FUT8: variants seen among roughly 807,000 people sequenced by gnomAD.
The protein encoded by FUT8 is fucosyltransferase 8.
A neutral mutation model predicts 71.3 loss-of-function variants in FUT8; 29 were observed. That is an observed-to-expected ratio of 0.41 (90% CI 0.30 to 0.55). The LOEUF (loss-of-function observed/expected upper bound fraction) is 0.55. Ranked by LOEUF, FUT8 falls within the 20% of genes least tolerant of loss-of-function variation. The pLI, the probability that FUT8 is intolerant of heterozygous loss-of-function variation, is 0.34. For synonymous variants in FUT8, 254 were observed against 239.3 expected (o/e 1.06, Z -0.57); for missense variants, 544 against 702.1 (o/e 0.77, Z 2.55).
the FUT8 span, among the ~76,000 whole-genome samples, chr14:65,384,801 A>G: frequency 6.6e-6 from 1 of 151,818 alleles, no homozygotes; most frequent in Non-Finnish European, 1.5e-5. The surrounding 1 kb of genome is among the most constrained non-coding windows in gnomAD (Gnocchi z 4.2). Context: ...ATTTTAAAAT[A>G]TTTCTAATTT....
Position 65,629,478 on chromosome 14 carries a change from GTTTGT to G in FUT8, c.483-10_483-6del, listed in dbSNP as rs751940522. On this transcript the variant is annotated splice_polypyrimidine_tract_variant and intron_variant, in intron 5 of 10. Coordinates refer to ENST00000673929, the MANE Select transcript of FUT8 (RefSeq NM_001371533.1). ...ACAGACAAGTTCGATCTCCATTGTT[GTTTGT>G]TTTAACAGGTCTATAATGACGGATC... The G allele has an allele frequency of 7.0e-6, 11 of 1,565,280 alleles. No individual in the cohort carries two copies. The highest frequency in any genetic ancestry group is 1.7e-5 in the Admixed American group (1 of 59,778).
At chr14:65,386,601 T>C in the FUT8 span, among the ~76,000 whole-genome samples, 2 of 151,848 alleles carry the variant, frequency 1.3e-5, no homozygotes, top group Non-Finnish European at 2.9e-5. Flanking sequence ...TCCTCTACTT[T>C]CTGGAACATA....
intron 2 of FUT8, among the ~76,000 whole-genome samples, chr14:65,516,800 A>G (rs567915115): frequency 3.4e-4 from 52 of 151,992 alleles, no homozygotes; most frequent in Non-Finnish European, 6.6e-4. Context: ...TTGTTATGCA[A>G]CCATCATCAC....
chr14:65,426,369 G>A (rs374812300), intron 1 of FUT8, among the ~76,000 whole-genome samples: 112 of 146,410 alleles, frequency 7.6e-4, no homozygotes, highest in South Asian at 7.4e-3. Context: ...ATTACCATAA[G>A]ATAGATTATC....
intron 2 of FUT8, among the ~76,000 whole-genome samples, chr14:65,468,929 C>A (rs1359513076): frequency 6.6e-6 from 1 of 151,986 alleles, no homozygotes; most frequent in Non-Finnish European, 1.5e-5. Flanking sequence ...TCTCAAGTAG[C>A]CAGGACTACA....
At chr14:65,466,834 C>T (rs1453314590) in intron 2 of FUT8, among the ~76,000 whole-genome samples, 1 of 152,154 alleles carries the variant, frequency 6.6e-6, no homozygotes, top group Non-Finnish European at 1.5e-5. Context: ...TCCAAGTTCA[C>T]TTTTTAAATA....
chr14:65,738,190 G>T (rs1449010145), intron 10 of FUT8, among the ~76,000 whole-genome samples: 2 of 152,114 alleles, frequency 1.3e-5, no homozygotes, highest in African/African-American at 2.4e-5. Context: ...ACAAAGAAAA[G>T]ACCTGGGTCT....
At chr14:65,714,674 G>C (rs956074483) in intron 7 of FUT8, among the ~76,000 whole-genome samples, 4 of 152,002 alleles carry the variant, frequency 2.6e-5, no homozygotes, top group African/African-American at 9.7e-5. Flanking sequence ...GCTTTGGATA[G>C]TATGGGCATT....
chr14:65,376,620 C>A, the FUT8 span, among the ~76,000 whole-genome samples: 1 of 146,152 alleles, frequency 6.8e-6, no homozygotes, highest in South Asian at 2.2e-4. Context: ...CCATGTTGGT[C>A]AGGCTGGTCT....
At chr14:65,686,661 GA>G (rs1330462306) in intron 7 of FUT8, among the ~76,000 whole-genome samples, 1 of 152,166 alleles carries the variant, frequency 6.6e-6, no homozygotes, top group Non-Finnish European at 1.5e-5. Flanking sequence ...AGAGGAGGTT[GA>G]TTGTCAGTTT....
chr14:65,695,935 G>C (rs1223421490), intron 7 of FUT8, among the ~76,000 whole-genome samples: 1 of 151,916 alleles, frequency 6.6e-6, no homozygotes, highest in East Asian at 1.9e-4. Flanking sequence ...CCCAGAGCTT[G>C]CAATATATAT....
intron 6 of FUT8, among the ~76,000 whole-genome samples, chr14:65,654,895 G>A (rs73268558): frequency 6.6e-6 from 1 of 151,156 alleles, no homozygotes; most frequent in Non-Finnish European, 1.5e-5. Context: ...GCAGAATGGT[G>A]TTTTTTTGTT....
intron 1 of FUT8, among the ~76,000 whole-genome samples, chr14:65,424,924 A>G (rs1255523254): frequency 1.3e-5 from 2 of 151,986 alleles, no homozygotes; most frequent in East Asian, 3.9e-4. Context: ...TTGACCTCCC[A>G]AAGTGCTGGG....
At chr14:65,620,404 T>A (rs1443834681) in intron 5 of FUT8, among the ~76,000 whole-genome samples, 1 of 152,210 alleles carries the variant, frequency 6.6e-6, no homozygotes, top group Non-Finnish European at 1.5e-5. Flanking sequence ...ATACTTATGT[T>A]AATTATGCTG....
chr14:65,728,028 C>CT (rs2139371936), intron 9 of FUT8, among the ~76,000 whole-genome samples: 1 of 152,360 alleles, frequency 6.6e-6, no homozygotes, highest in African/African-American at 2.4e-5. Flanking sequence ...TCATCTCCAT[C>CT]TGAGACCACC....
intron 6 of FUT8, among the ~76,000 whole-genome samples, chr14:65,656,167 A>T (rs1891672416): frequency 6.6e-6 from 1 of 152,114 alleles, no homozygotes. Flanking sequence ...AAATCAATTT[A>T]TTCTTGTTTG....
rs1555378155 is a variant in FUT8 at position 65,634,577 on chromosome 14, A to AG, written c.597+4971_597+4972insG. 7.3e-3 allele frequency among the ~76,000 whole-genome samples: 1,103 copies of AG among 150,788 alleles called. 11 individuals are homozygous for AG. Among genetic ancestry groups the AG allele is most frequent in the African/African-American group, 0.024 (980 of 40,946 alleles). ...ATGATCAATTAAAAAAAAAAAAAAA[A>AG]AAAAGAAAAGGGTGTCCTTTCCCCA... On this transcript the variant is annotated intron_variant, in intron 6 of 10. Coordinates refer to ENST00000673929, the MANE Select transcript of FUT8 (RefSeq NM_001371533.1).
intron 7 of FUT8, among the ~76,000 whole-genome samples, chr14:65,712,012 A>G (rs1254769692): frequency 6.6e-6 from 1 of 152,178 alleles, no homozygotes; most frequent in East Asian, 1.9e-4. Flanking sequence ...TTCTAGGTTT[A>G]TTCTTTACAA....
At chr14:65,619,423 C>T (rs1889484672) in intron 5 of FUT8, among the ~76,000 whole-genome samples, 1 of 152,160 alleles carries the variant, frequency 6.6e-6, no homozygotes, top group African/African-American at 2.4e-5. Flanking sequence ...TCCTGTTGTT[C>T]ATCACTTGCA....
Sources: gnomAD v4.1 joint callset for allele counts (sites outside exome capture counted in the v4.1 genomes callset) on GRCh38, gnomAD v4.1.1 for gene constraint, Gnocchi (gnomAD v3.1) non-coding constraint, MANE v1.5 for transcripts, NCBI Gene and HGNC (gene_info 2026-07-23, HGNC 2026-07-21) for gene names.